Variants in MRPL1 observed in about 807,000 individuals in gnomAD.
MRPL1 encodes mitochondrial ribosomal protein L1.
Under a neutral mutation model 38.0 loss-of-function variants are expected in MRPL1, and 28 were observed. That is an observed-to-expected ratio of 0.74 (90% CI 0.55 to 1.01). The LOEUF is 1.01. Among genes scored for constraint, MRPL1 ranks in the 50% least tolerant of loss-of-function variants. The probability of loss-of-function intolerance (pLI) is 0.00; values close to 1 mark genes in which losing one functional copy is unlikely to be tolerated. For synonymous variants in MRPL1, 123 were observed against 126.7 expected, an observed-to-expected ratio of 0.97 and a Z score of 0.20; for missense variants, 358 against 389.8, an observed-to-expected ratio of 0.92 and a Z score of 0.69.
At chr4:77,870,602 A>T (rs773972129) in intron 1 of MRPL1, among the ~76,000 whole-genome samples, 19 of 152,334 alleles carry the variant, frequency 1.2e-4, no homozygotes, top group Admixed American at 5.2e-4. Flanking sequence ...TAGTGATTAG[A>T]GTATGCTACC....
At chr4:77,927,386 T>C (rs1394580533) in intron 7 of MRPL1, among the ~76,000 whole-genome samples, 1 of 152,196 alleles carries the variant, frequency 6.6e-6, no homozygotes, top group South Asian at 2.1e-4. Flanking sequence ...TTCTGAATTA[T>C]TAATTCCAAG....
chr4:77,867,954 C>A (rs529694149), intron 1 of MRPL1, among the ~76,000 whole-genome samples: 3 of 151,618 alleles, frequency 2.0e-5, no homozygotes, highest in South Asian at 4.2e-4. Flanking sequence ...GACGGGGTTT[C>A]ACCGTGTTAG....
Position 77,896,928 on chromosome 4 carries a change from C to T in MRPL1, c.670+2678C>T, listed in dbSNP as rs1029816852. Among the ~76,000 whole-genome samples, 12 of 151,866 alleles carry T rather than the reference C, an allele frequency of 7.9e-5. 1 individual carries two copies. The highest frequency in any genetic ancestry group is 5.9e-4 in the Admixed American group (9 of 15,238). ...AGAAATTTGGTTTTATTTTGCTTAT[C>T]GTCTGGCTTCCTCCCCAATATAAGT... On this transcript the variant is annotated intron_variant, in intron 6 of 8. Transcript: ENST00000315567.
At chr4:77,886,594 A>G (rs1282937112) in intron 4 of MRPL1, among the ~76,000 whole-genome samples, 2 of 151,824 alleles carry the variant, frequency 1.3e-5, no homozygotes, top group Non-Finnish European at 2.9e-5. Flanking sequence ...TGGCCTCTCA[A>G]AGTGCTGAGA....
chr4:77,901,496 G>A (rs981122159), intron 6 of MRPL1, among the ~76,000 whole-genome samples: 1 of 151,192 alleles, frequency 6.6e-6, no homozygotes, highest in African/African-American at 2.4e-5. Context: ...ACTATATGCT[G>A]TCTACAAGAG....
intron 3 of MRPL1, among the ~76,000 whole-genome samples, chr4:77,884,536 T>C (rs1228729428): frequency 1.3e-5 from 2 of 152,242 alleles, no homozygotes; most frequent in African/African-American, 4.8e-5. Context: ...CCACCTGTAT[T>C]AGCGTGCCTC....
intron 1 of MRPL1, among the ~76,000 whole-genome samples, chr4:77,870,330 G>A (rs1334073208): frequency 6.6e-6 from 1 of 152,184 alleles, no homozygotes; most frequent in Non-Finnish European, 1.5e-5. Context: ...GTTTGGAAGT[G>A]TTTGCCAAGC....
intron 5 of MRPL1, among the ~76,000 whole-genome samples, chr4:77,890,358 T>C (rs1356457566): frequency 6.6e-6 from 1 of 152,082 alleles, no homozygotes; most frequent in Non-Finnish European, 1.5e-5. Flanking sequence ...ATGTAATCCA[T>C]CATATAAACA....
intron 7 of MRPL1, among the ~76,000 whole-genome samples, chr4:77,946,775 T>G (rs1737279703): frequency 1.3e-5 from 2 of 152,320 alleles, no homozygotes; most frequent in South Asian, 4.1e-4. Context: ...TCTCAGAGTG[T>G]GGTCCAGGGA....
intron 1 of MRPL1, among the ~76,000 whole-genome samples, chr4:77,868,893 AT>A (rs1735215148): frequency 6.6e-6 from 1 of 152,194 alleles, no homozygotes; most frequent in Admixed American, 6.5e-5. Context: ...CTTGGTAAAA[AT>A]TTCCTTTGTT....
At chr4:77,928,891 G>T (rs980044964) in intron 7 of MRPL1, among the ~76,000 whole-genome samples, 1 of 152,100 alleles carries the variant, frequency 6.6e-6, no homozygotes, top group Non-Finnish European at 1.5e-5. Flanking sequence ...AATTCAAAGT[G>T]TGACTCTCCC....
chr4:77,885,415 G>A lies in MRPL1; in HGVS notation c.486+76G>A, dbSNP rs920622039. The A allele has an allele frequency of 3.5e-6, 4 of 1,145,264 alleles. No homozygotes were observed. The African/African-American group carries it at 6.2e-5, about 18-fold the overall frequency. The allele number at this position is 1,145,264 out of a possible 1,614,324, so 70.9% of individuals were successfully genotyped here. On this transcript the variant is annotated intron_variant, in intron 4 of 8. Coordinates refer to ENST00000315567, the MANE Select transcript of MRPL1 (RefSeq NM_020236.4). ...CGGAGTCTCACTCTGTCACCAGTCT[G>A]GAGTGCAGTGGGGCAACCTCGGCTC...
intron 7 of MRPL1, among the ~76,000 whole-genome samples, chr4:77,943,956 G>A (rs2110266484): frequency 6.6e-6 from 1 of 152,250 alleles, no homozygotes; most frequent in African/African-American, 2.4e-5. Context: ...GGATGTTTAA[G>A]AACTTTGGTT....
intron 6 of MRPL1, among the ~76,000 whole-genome samples, chr4:77,901,672 A>G (rs184361670): frequency 1.3e-5 from 2 of 152,324 alleles, no homozygotes; most frequent in Middle Eastern, 3.4e-3. Context: ...CTATAATAAT[A>G]ATAAGACTCA....
At chr4:77,866,614 A>T (rs1735149344) in intron 1 of MRPL1, among the ~76,000 whole-genome samples, 1 of 152,016 alleles carries the variant, frequency 6.6e-6, no homozygotes, top group Admixed American at 6.6e-5. Flanking sequence ...CTCTGCTGTA[A>T]CCAGCTGGCC....
At chr4:77,879,165 C>T (rs938916965) in intron 2 of MRPL1, among the ~76,000 whole-genome samples, 1 of 152,102 alleles carries the variant, frequency 6.6e-6, no homozygotes, top group African/African-American at 2.4e-5. Flanking sequence ...TATATAATTG[C>T]ATGAACAACA....
chr4:77,911,817 G>C (rs1049583134), intron 7 of MRPL1, among the ~76,000 whole-genome samples: 1 of 152,192 alleles, frequency 6.6e-6, no homozygotes, highest in African/African-American at 2.4e-5. Context: ...AGTATCATTC[G>C]TGAACATAGA....
In MRPL1 at chr4:77,871,983, C is replaced by T. The variant is rs1735290869; in HGVS notation, c.143+128C>T. ...AAGTTTATTATTTCTGCTTCATCGACCTTATAGTCCTGAAGGAAAGATAAG... is the reference window on the plus strand; with the variant it reads ...AAGTTTATTATTTCTGCTTCATCGATCTTATAGTCCTGAAGGAAAGATAAG... On this transcript the variant is annotated intron_variant, in intron 2 of 8. Coordinates refer to ENST00000315567, the MANE Select transcript of MRPL1 (RefSeq NM_020236.4). 3 of 644,240 alleles carry T rather than the reference C, an allele frequency of 4.7e-6. No individual in the cohort carries two copies. In the Admixed American group the frequency reaches 1.0e-4, roughly 22 times the overall value. The allele number at this position is 644,240 out of a possible 1,614,324, so 39.9% of individuals were successfully genotyped here. A position where few individuals can be genotyped will look rare whatever the true frequency, so the allele number is the denominator to read the frequency against.
intron 2 of MRPL1, among the ~76,000 whole-genome samples, chr4:77,880,029 T>C (rs1478929748): frequency 6.6e-6 from 1 of 152,206 alleles, no homozygotes; most frequent in Admixed American, 6.5e-5. Flanking sequence ...TTTATTATCA[T>C]CCATTTCTTT....
Sources: allele counts gnomAD v4.1 joint callset (sites outside exome capture counted in the v4.1 genomes callset), GRCh38; gene constraint gnomAD v4.1.1; transcripts MANE v1.5; gene names NCBI Gene and HGNC (gene_info 2026-07-23, HGNC 2026-07-21).